The following ATP8A2 variants were observed in gnomAD, a reference collection of about 807,000 sequenced individuals.
The protein encoded by ATP8A2 is ATPase phospholipid transporting 8A2.
Under a neutral mutation model 165.6 loss-of-function variants are expected in ATP8A2, and 100 were observed. That is an observed-to-expected ratio of 0.60 (90% CI 0.51 to 0.71). The LOEUF (loss-of-function observed/expected upper bound fraction) is 0.71, where lower values mean the gene tolerates loss of function less well. Among genes scored for constraint, ATP8A2 ranks in the 30% least tolerant of loss-of-function variants. The pLI is 0.00. For missense variants in ATP8A2, 1,227 were observed against 1,479.5 expected (o/e 0.83, Z 2.80); for synonymous variants, 543 against 548.8 (o/e 0.99, Z 0.15).
chr13:25,387,481 AAT>A (rs2033098491), intron 1 of ATP8A2, among the ~76,000 whole-genome samples: 1 of 151,902 alleles, frequency 6.6e-6, no homozygotes, highest in Non-Finnish European at 1.5e-5. Context: ...GCCTGGGTTT[AAT>A]GGTGGTCCAC....
At chr13:25,428,246 C>G (rs1369437986) in intron 1 of ATP8A2, among the ~76,000 whole-genome samples, 1 of 152,124 alleles carries the variant, frequency 6.6e-6, no homozygotes, top group Non-Finnish European at 1.5e-5. Context: ...GCACATTTAT[C>G]TGGTCCTGTG....
At chr13:25,483,761 A>G (rs183162777) in intron 2 of ATP8A2, among the ~76,000 whole-genome samples, 139 of 152,244 alleles carry the variant, frequency 9.1e-4, no homozygotes, top group African/African-American at 3.2e-3. Context: ...TTAGATGAGA[A>G]TGTACCTGTT....
intron 24 of ATP8A2, among the ~76,000 whole-genome samples, chr13:25,592,008 C>T (rs1334787852): frequency 2.0e-5 from 3 of 147,660 alleles, no homozygotes; most frequent in Non-Finnish European, 4.5e-5. Context: ...TGTGATTTTT[C>T]CATATTCTTG....
chr13:25,395,926 C>T (rs916650516), intron 1 of ATP8A2, among the ~76,000 whole-genome samples: 4 of 152,072 alleles, frequency 2.6e-5, no homozygotes, highest in Admixed American at 6.5e-5. Context: ...TCACTGCTAC[C>T]TCCGTCTCCT....
chr13:25,536,215 G>A (rs986516614), intron 6 of ATP8A2, among the ~76,000 whole-genome samples: 3 of 151,950 alleles, frequency 2.0e-5, no homozygotes, highest in Non-Finnish European at 4.4e-5. Flanking sequence ...GGGTTCAAGC[G>A]ATTCTCCTGC....
rs543524427 is a variant in ATP8A2, at chr13:25,735,101, C to T, written c.2385-33945C>T. 1.0e-3 allele frequency among the ~76,000 whole-genome samples: 158 copies of T among 152,282 alleles called. 1 individual carries two copies. Among genetic ancestry groups the T allele is most frequent in the African/African-American group, 3.6e-3 (150 of 41,550 alleles). On this transcript the variant is annotated intron_variant, in intron 25 of 36. Coordinates refer to ENST00000381655, the MANE Select transcript of ATP8A2 (RefSeq NM_016529.6). ...ATTTATTTAATATGGTTCCATTCCCCTGTCTTGAGGGTGGATACTGGTCTT... is the reference window on the plus strand; with the variant it reads ...ATTTATTTAATATGGTTCCATTCCCTTGTCTTGAGGGTGGATACTGGTCTT...
chr13:25,474,959 A>C (rs954868158), intron 2 of ATP8A2, among the ~76,000 whole-genome samples: 2 of 152,020 alleles, frequency 1.3e-5, no homozygotes, highest in Non-Finnish European at 2.9e-5. Flanking sequence ...AGCTAGGATT[A>C]CAGGCATGTG....
At chr13:25,915,211 A>T (rs1954234341) in intron 33 of ATP8A2, among the ~76,000 whole-genome samples, 1 of 152,244 alleles carries the variant, frequency 6.6e-6, no homozygotes. Flanking sequence ...GTAATTATGT[A>T]CTTAAACCCA....
At chr13:25,650,575 G>A (rs1389315434) in intron 24 of ATP8A2, among the ~76,000 whole-genome samples, 1 of 152,126 alleles carries the variant, frequency 6.6e-6, no homozygotes, top group East Asian at 1.9e-4. Context: ...TAGTGTTGGG[G>A]CCAAACAGAA....
At chr13:25,824,320 G>A (rs1951256188) in intron 27 of ATP8A2, among the ~76,000 whole-genome samples, 1 of 152,128 alleles carries the variant, frequency 6.6e-6, no homozygotes, top group Non-Finnish European at 1.5e-5. Context: ...GCTTCAGTTT[G>A]TAACAATGAC....
intron 33 of ATP8A2, among the ~76,000 whole-genome samples, chr13:25,903,046 G>A (rs1953812814): frequency 6.6e-6 from 1 of 151,864 alleles, no homozygotes; most frequent in African/African-American, 2.4e-5. Context: ...AACCTGGGAG[G>A]CGGAGGTTGC....
At chr13:26,006,533 C>G (rs568636096) in intron 35 of ATP8A2, among the ~76,000 whole-genome samples, 15 of 152,056 alleles carry the variant, frequency 9.9e-5, no homozygotes, top group African/African-American at 3.6e-4. Context: ...TTGGTTAGAA[C>G]TTCAGTAAGT....
intron 25 of ATP8A2, among the ~76,000 whole-genome samples, chr13:25,734,163 A>G (rs1225805539): frequency 3.3e-5 from 5 of 152,232 alleles, no homozygotes; most frequent in Admixed American, 3.3e-4. Flanking sequence ...TCGACTGAAT[A>G]AACTTCAGTA....
chr13:25,932,217 C>G (rs1954787099), intron 33 of ATP8A2, among the ~76,000 whole-genome samples: 1 of 152,130 alleles, frequency 6.6e-6, no homozygotes, highest in South Asian at 2.1e-4. Context: ...GAATGTGGAT[C>G]TCAGAGGGGA....
At chr13:25,768,902 G>A in intron 25 of ATP8A2, 144 bp from the exon 26 acceptor site, 2 of 773,984 alleles carry the variant, frequency 2.6e-6, no homozygotes, top group South Asian at 3.1e-5. Flanking sequence ...TTTTCTGAAA[G>A]CTTCTTTGCA....
At chr13:25,959,062 T>A (rs1156973144) in intron 33 of ATP8A2, among the ~76,000 whole-genome samples, 2 of 152,182 alleles carry the variant, frequency 1.3e-5, no homozygotes, top group African/African-American at 4.8e-5. Context: ...AACAAGTCCA[T>A]CTTCCAGGGG....
chr13:25,888,503 G>C (rs1953242870), intron 33 of ATP8A2, among the ~76,000 whole-genome samples: 1 of 152,210 alleles, frequency 6.6e-6, no homozygotes, highest in Non-Finnish European at 1.5e-5. Flanking sequence ...GAGTGATGTG[G>C]CTTGGAATAT....
chr13:26,013,616 G>A (rs1956895244), intron 36 of ATP8A2, among the ~76,000 whole-genome samples: 1 of 151,986 alleles, frequency 6.6e-6, no homozygotes, highest in African/African-American at 2.4e-5. Flanking sequence ...GGAGGTTGCA[G>A]CGAGCCGAGG....
At chr13:25,790,813 A>G (rs1349013464) in intron 27 of ATP8A2, among the ~76,000 whole-genome samples, 3 of 152,212 alleles carry the variant, frequency 2.0e-5, no homozygotes, top group Non-Finnish European at 4.4e-5. Context: ...AGAAATGAAA[A>G]ATCAAAATGA....
Sources: allele counts gnomAD v4.1 joint callset (sites outside exome capture counted in the v4.1 genomes callset), GRCh38; gene constraint gnomAD v4.1.1; transcripts MANE v1.5; gene names NCBI Gene and HGNC (gene_info 2026-07-23, HGNC 2026-07-21).